DLGAP4: variants seen among roughly 807,000 people sequenced by gnomAD.
DLGAP4 encodes the protein disks large-associated protein 4.
A neutral mutation model predicts 86.9 loss-of-function variants in DLGAP4; 18 were observed. That is an observed-to-expected ratio of 0.21 (90% CI 0.14 to 0.31). The LOEUF (loss-of-function observed/expected upper bound fraction) is 0.31, where lower values mean the gene tolerates loss of function less well. Ranked by LOEUF, DLGAP4 falls within the 10% of genes least tolerant of loss-of-function variation. The pLI is 1.00. For synonymous variants in DLGAP4, 548 were observed against 574.3 expected, an observed-to-expected ratio of 0.95 and a Z score of 0.65; for missense variants, 1,085 against 1,362.6, an observed-to-expected ratio of 0.80 and a Z score of 3.21.
At chr20:36,339,195 C>G (rs1370883824) in intron 1 of DLGAP4, among the ~76,000 whole-genome samples, 1 of 151,950 alleles carries the variant, frequency 6.6e-6, no homozygotes, top group Non-Finnish European at 1.5e-5. Context: ...TCAAGCCATT[C>G]TCGTGCTTCA....
chr20:36,514,410 T>C (rs773888682), intron 10 of DLGAP4, among the ~76,000 whole-genome samples: 2 of 151,988 alleles, frequency 1.3e-5, no homozygotes, highest in Non-Finnish European at 2.9e-5. Flanking sequence ...AGCTGTTTCG[T>C]TGTTGTTGCT....
chr20:36,324,807 G>A (rs1569455852), intron 1 of DLGAP4, among the ~76,000 whole-genome samples: 1 of 152,120 alleles, frequency 6.6e-6, no homozygotes, highest in Admixed American at 6.5e-5. Flanking sequence ...TTTCATTCCT[G>A]ATATTTGTAA....
chr20:36,498,645 C>T (rs1264702024), intron 8 of DLGAP4: 1 of 152,614 alleles, frequency 6.6e-6, no homozygotes, highest in Non-Finnish European at 1.5e-5. Flanking sequence ...GGCTGCATCC[C>T]TGTCCCAGAA....
chr20:36,312,988 G>T (rs1360807723), intron 1 of DLGAP4, among the ~76,000 whole-genome samples: 1 of 152,104 alleles, frequency 6.6e-6, no homozygotes, highest in African/African-American at 2.4e-5. Context: ...GGGAGTAGAG[G>T]TGGGAGTTTG....
chr20:36,347,170 C>T (rs1192847283), intron 1 of DLGAP4, among the ~76,000 whole-genome samples: 1 of 152,164 alleles, frequency 6.6e-6, no homozygotes, highest in Non-Finnish European at 1.5e-5. Flanking sequence ...TCAAGGAAGG[C>T]TGAGGATGGT....
intron 1 of DLGAP4, among the ~76,000 whole-genome samples, chr20:36,335,488 C>G (rs1310496308): frequency 6.6e-6 from 1 of 152,156 alleles, no homozygotes; most frequent in Non-Finnish European, 1.5e-5. Flanking sequence ...ACCCCTGGCC[C>G]AGGCTGAACA....
At chr20:36,316,527 C>T (rs2065101685) in intron 1 of DLGAP4, among the ~76,000 whole-genome samples, 2 of 152,188 alleles carry the variant, frequency 1.3e-5, no homozygotes, top group South Asian at 4.1e-4. Context: ...TTCCCAACCA[C>T]ATGGGTCACC....
At chr20:36,374,878 A>G (rs1212691603) in intron 2 of DLGAP4, among the ~76,000 whole-genome samples, 1 of 152,256 alleles carries the variant, frequency 6.6e-6, no homozygotes, top group East Asian at 1.9e-4. Flanking sequence ...CTGGGAGGGC[A>G]GGCAGAAGCC....
Position 36,413,710 on chromosome 20 carries a change from C to T in DLGAP4, c.-72-17936C>T, listed in dbSNP as rs530098141. On this transcript the variant is annotated intron_variant, in intron 2 of 12. Transcript: ENST00000339266. ...CTGGAATTACAGGCATAAGCCACCG[C>T]GCCCGGCCTATTCTGGACATTTCAT... Among the ~76,000 whole-genome samples, 93 of 151,894 alleles carry T rather than the reference C, an allele frequency of 6.1e-4. No homozygotes were observed. In the South Asian group the frequency reaches 0.019, roughly 31 times the overall value.
At chr20:36,317,180 T>C (rs1329206457) in intron 1 of DLGAP4, among the ~76,000 whole-genome samples, 2 of 151,830 alleles carry the variant, frequency 1.3e-5, no homozygotes, top group Non-Finnish European at 2.9e-5. Context: ...TTCCTTCCTT[T>C]CTTTTCCTTC....
intron 6 of DLGAP4, 55 bp from the exon 7 acceptor site, chr20:36,446,641 TC>T (rs1199667417): frequency 3.3e-6 from 5 of 1,525,848 alleles, no homozygotes; most frequent in Non-Finnish European, 1.8e-6. Flanking sequence ...CAAGAACCGC[TC>T]CCCCCAGGAT....
intron 7 of DLGAP4, among the ~76,000 whole-genome samples, chr20:36,476,941 C>A (rs2034969870): frequency 6.6e-6 from 1 of 151,768 alleles, no homozygotes; most frequent in African/African-American, 2.4e-5. Context: ...GATCCGCCTG[C>A]CTCAGCCTCC....
At chr20:36,372,838 C>A (rs918320689) in intron 2 of DLGAP4, among the ~76,000 whole-genome samples, 1 of 152,166 alleles carries the variant, frequency 6.6e-6, no homozygotes, top group African/African-American at 2.4e-5. Flanking sequence ...CTGTAAATCT[C>A]TATTTGTTGA....
chr20:36,348,756 C>G (rs1600421082), intron 1 of DLGAP4, among the ~76,000 whole-genome samples: 1 of 151,800 alleles, frequency 6.6e-6, no homozygotes, highest in East Asian at 1.9e-4. Flanking sequence ...ACTAAACAAA[C>G]AAATAACATC....
At chr20:36,492,551 C>T (rs1391970929) in intron 7 of DLGAP4, 1 of 152,244 alleles carries the variant, frequency 6.6e-6, no homozygotes, top group East Asian at 1.9e-4. Context: ...TTGTCCAGAC[C>T]CTGACTGTGG....
At chr20:36,523,250 C>T (rs1249632476) in intron 10 of DLGAP4, among the ~76,000 whole-genome samples, 1 of 152,140 alleles carries the variant, frequency 6.6e-6, no homozygotes, top group Non-Finnish European at 1.5e-5. Flanking sequence ...GACCTCCTGC[C>T]TCCCTAAGTG....
chr20:36,381,002 A>G (rs2031370864), intron 2 of DLGAP4, among the ~76,000 whole-genome samples: 1 of 152,228 alleles, frequency 6.6e-6, no homozygotes, highest in South Asian at 2.1e-4. Context: ...CCCTTCTGTT[A>G]GGAAAAAGGG....
chr20:36,326,764 A>G (rs1463446460), intron 1 of DLGAP4, among the ~76,000 whole-genome samples: 4 of 152,034 alleles, frequency 2.6e-5, no homozygotes, highest in African/African-American at 9.7e-5. Flanking sequence ...GCTGGTGAGG[A>G]ATTCTTTCAG....
intron 2 of DLGAP4, among the ~76,000 whole-genome samples, chr20:36,374,500 C>T (rs1405317283): frequency 1.4e-4 from 21 of 152,184 alleles, no homozygotes; most frequent in Admixed American, 1.4e-3. Context: ...CCTTGAATGC[C>T]AGGGTAAGAA....
Sources: gnomAD v4.1 joint callset for allele counts (sites outside exome capture counted in the v4.1 genomes callset) on GRCh38, gnomAD v4.1.1 for gene constraint, MANE v1.5 for transcripts, NCBI Gene and HGNC (gene_info 2026-07-23, HGNC 2026-07-21) for gene names.